GRID2: variants seen among roughly 807,000 people sequenced by gnomAD.
GRID2 encodes the protein glutamate receptor ionotropic, delta-2.
Under a neutral mutation model 114.8 loss-of-function variants are expected in GRID2, and 33 were observed. The observed-to-expected ratio is 0.29, with a 90% CI of 0.22 to 0.38. The LOEUF is 0.38. Among genes scored for constraint, GRID2 ranks in the 10% least tolerant of loss-of-function variants. GRID2 has a pLI of 1.00. For synonymous variants in GRID2, 505 were observed against 449.9 expected (o/e 1.12, Z -1.55); for missense variants, 1,184 against 1,257.7 (o/e 0.94, Z 0.89).
intron 9 of GRID2, among the ~76,000 whole-genome samples, chr4:93,414,468 C>T (rs1209923331): frequency 1.3e-5 from 2 of 152,066 alleles, no homozygotes; most frequent in Admixed American, 1.3e-4. Flanking sequence ...ATATGTGGCT[C>T]TAGCTTCCTT....
intron 1 of GRID2, among the ~76,000 whole-genome samples, chr4:93,788,082 C>T (rs563155015): frequency 5.9e-5 from 9 of 151,982 alleles, no homozygotes; most frequent in African/African-American, 2.2e-4. Flanking sequence ...TTTAGGAGGC[C>T]GAGGCGGGTG....
At chr4:92,873,208 A>G (rs1408352600) in intron 2 of GRID2, among the ~76,000 whole-genome samples, 1 of 152,158 alleles carries the variant, frequency 6.6e-6, no homozygotes, top group Non-Finnish European at 1.5e-5. Flanking sequence ...GTAATCATTT[A>G]GATGTTTAGT....
intron 12 of GRID2, among the ~76,000 whole-genome samples, chr4:93,509,895 C>G (rs1237417849): frequency 6.6e-6 from 1 of 152,182 alleles, no homozygotes; most frequent in Non-Finnish European, 1.5e-5. Context: ...CATAGGACAG[C>G]TCTCAGCTGC....
At chr4:92,828,326 T>C (rs529073528) in intron 2 of GRID2, among the ~76,000 whole-genome samples, 21 of 152,140 alleles carry the variant, frequency 1.4e-4, no homozygotes, top group Non-Finnish European at 2.4e-4. Context: ...TTGCACTTGA[T>C]AGATAGACAA....
chr4:93,674,688 A>G (rs1220448220), intron 14 of GRID2, among the ~76,000 whole-genome samples: 1 of 152,058 alleles, frequency 6.6e-6, no homozygotes, highest in African/African-American at 2.4e-5. Context: ...TTACATAAGA[A>G]ATTTAATTAT....
chr4:92,925,429 A>C (rs538396031), intron 2 of GRID2, among the ~76,000 whole-genome samples: 1 of 152,086 alleles, frequency 6.6e-6, no homozygotes, highest in Non-Finnish European at 1.5e-5. Flanking sequence ...AAAGCCCTGA[A>C]GTAATGAAAG....
intron 2 of GRID2, among the ~76,000 whole-genome samples, chr4:93,017,941 C>T (rs1387361259): frequency 7.1e-6 from 1 of 141,102 alleles, no homozygotes; most frequent in Admixed American, 7.3e-5. Context: ...TAGAACATCT[C>T]CTTAATCATC....
intron 4 of GRID2, among the ~76,000 whole-genome samples, chr4:93,159,654 CA>C (rs1737498039): frequency 6.7e-6 from 1 of 148,630 alleles, no homozygotes; most frequent in Admixed American, 6.7e-5. Context: ...TCATTTTAAA[CA>C]CTGAAAATAA....
intron 2 of GRID2, among the ~76,000 whole-genome samples, chr4:92,900,791 G>A (rs1276868628): frequency 1.4e-5 from 2 of 139,784 alleles, no homozygotes; most frequent in African/African-American, 5.5e-5. Flanking sequence ...ACAAGATCAC[G>A]GCACTACACT....
chr4:93,755,018 C>T (rs1276425362), intron 14 of GRID2, among the ~76,000 whole-genome samples: 3 of 152,148 alleles, frequency 2.0e-5, no homozygotes, highest in African/African-American at 4.8e-5. Flanking sequence ...AGTAAGTAAA[C>T]GTTGTGCATG....
intron 2 of GRID2, among the ~76,000 whole-genome samples, chr4:93,024,738 T>C (rs1323032134): frequency 6.6e-6 from 1 of 151,784 alleles, no homozygotes; most frequent in Non-Finnish European, 1.5e-5. Context: ...TAAAAAGTAC[T>C]TAGGTAGTAT....
In GRID2 at chr4:92,852,245, C is replaced by G. The variant is rs143935209; in HGVS notation, c.245-232750C>G. ...CTATAAAAAATCATGTTCTATTTTACTAGGAATTCCTCATCTTTACCTTTT... is the reference window on the plus strand; with the variant it reads ...CTATAAAAAATCATGTTCTATTTTAGTAGGAATTCCTCATCTTTACCTTTT... On this transcript the variant is annotated intron_variant, in intron 2 of 15. Transcript: ENST00000282020. 4.5e-3 allele frequency among the ~76,000 whole-genome samples: 683 copies of G among 151,900 alleles called. 9 individuals are homozygous for G. Among genetic ancestry groups the G allele is most frequent in the African/African-American group, 0.016 (647 of 41,478 alleles).
chr4:92,785,731 A>G (rs1739290286), intron 2 of GRID2, among the ~76,000 whole-genome samples: 2 of 151,802 alleles, frequency 1.3e-5, no homozygotes, highest in Admixed American at 6.6e-5. Context: ...TAATCCTCTT[A>G]GTGAATTTTT....
intron 2 of GRID2, among the ~76,000 whole-genome samples, chr4:92,940,406 T>C (rs970264473): frequency 2.7e-5 from 4 of 147,596 alleles, no homozygotes; most frequent in African/African-American, 7.3e-5. Flanking sequence ...TGATTTTTTG[T>C]ACATTGAGTT....
rs896622067 is a variant in GRID2 at position 92,903,622 on chromosome 4, C to G, written c.245-181373C>G. 2.0e-5 allele frequency among the ~76,000 whole-genome samples: 3 copies of G among 151,880 alleles called. No individual in the cohort carries two copies. The East Asian group carries it at 5.8e-4, about 29-fold the overall frequency. On this transcript the variant is annotated intron_variant, in intron 2 of 15. Transcript: ENST00000282020. ...GATCCGTGGTGAACCCCAGTAATTT[C>G]TGGCTCTTGGGATTTTTAATGGGAA...
intron 2 of GRID2, among the ~76,000 whole-genome samples, chr4:92,867,458 C>T (rs895252292): frequency 6.6e-6 from 1 of 152,018 alleles, no homozygotes; most frequent in African/African-American, 2.4e-5. Flanking sequence ...CAGTGCAGTT[C>T]CACACATACA....
intron 12 of GRID2, among the ~76,000 whole-genome samples, chr4:93,511,590 A>C (rs548561941): frequency 1.3e-3 from 205 of 152,274 alleles, no homozygotes; most frequent in African/African-American, 4.9e-3. Context: ...TACTGTGTGC[A>C]TGAGTAAGAC....
intron 2 of GRID2, among the ~76,000 whole-genome samples, chr4:92,961,761 C>T (rs960694273): frequency 6.7e-6 from 1 of 148,666 alleles, no homozygotes; most frequent in Non-Finnish European, 1.5e-5. Context: ...TATTTCTTCT[C>T]TTTTTTTTTA....
At chr4:93,360,755 AATTAT>A (rs1175496214) in intron 8 of GRID2, among the ~76,000 whole-genome samples, 4 of 136,234 alleles carry the variant, frequency 2.9e-5, no homozygotes, top group Non-Finnish European at 4.4e-5. Context: ...TTTGTAATTC[AATTAT>A]ATTATTTATG....
Sources: gnomAD v4.1 joint callset for allele counts (sites outside exome capture counted in the v4.1 genomes callset) on GRCh38, gnomAD v4.1.1 for gene constraint, MANE v1.5 for transcripts, NCBI Gene and HGNC (gene_info 2026-07-23, HGNC 2026-07-21) for gene names.